Variants in LDLRAD4 observed in about 807,000 individuals in gnomAD.
The protein encoded by LDLRAD4 is low-density lipoprotein receptor class A domain-containing protein 4.
LDLRAD4 carries 5 observed loss-of-function variants against 17.0 expected under a neutral mutation model. That is an observed-to-expected ratio of 0.29 (90% CI 0.15 to 0.62). The LOEUF is 0.62. Ranked by LOEUF, LDLRAD4 falls within the 20% of genes least tolerant of loss-of-function variation. The pLI is 0.84. For synonymous variants in LDLRAD4, 168 were observed against 171.8 expected (o/e 0.98, Z 0.17); for missense variants, 340 against 424.7 (o/e 0.80, Z 1.75).
At chr18:13,279,989 G>A (rs1285672646) in intron 1 of LDLRAD4, 1 of 152,272 alleles carries the variant, frequency 6.6e-6, no homozygotes, top group African/African-American at 2.4e-5. Context: ...TGATAAAATG[G>A]ACAGGTGGTA....
At chr18:13,381,447 A>C (rs1256555319) in intron 1 of LDLRAD4, among the ~76,000 whole-genome samples, 1 of 151,866 alleles carries the variant, frequency 6.6e-6, no homozygotes, top group African/African-American at 2.4e-5. Context: ...AATGGGAGGG[A>C]CCTCCAGTTT....
intron 3 of LDLRAD4, among the ~76,000 whole-genome samples, chr18:13,564,463 C>A (rs1320659852): frequency 6.6e-6 from 1 of 151,938 alleles, no homozygotes; most frequent in East Asian, 1.9e-4. Flanking sequence ...GCTTGTCTTT[C>A]CCCTCTGCTA....
intron 1 of LDLRAD4, among the ~76,000 whole-genome samples, chr18:13,256,854 G>T (rs1046439774): frequency 2.6e-5 from 4 of 152,244 alleles, no homozygotes; most frequent in African/African-American, 9.6e-5. Context: ...TGTGTGTGCC[G>T]GGGAAGGAAA....
At chr18:13,473,725 G>A (rs1049453108) in intron 3 of LDLRAD4, among the ~76,000 whole-genome samples, 39 of 143,904 alleles carry the variant, frequency 2.7e-4, no homozygotes, top group African/African-American at 9.5e-4. Context: ...TTATACAGGG[G>A]CGGGGCTTAT....
intron 1 of LDLRAD4, among the ~76,000 whole-genome samples, chr18:13,220,384 A>G (rs1458222045): frequency 6.6e-6 from 1 of 152,068 alleles, no homozygotes; most frequent in Non-Finnish European, 1.5e-5. Flanking sequence ...GTAGGTTTGT[A>G]TTTACATTGG....
chr18:13,346,448 G>T (rs1246852964), intron 1 of LDLRAD4, among the ~76,000 whole-genome samples: 27 of 152,136 alleles, frequency 1.8e-4, no homozygotes, highest in Non-Finnish European at 4.4e-5. Context: ...GAGACAGTTT[G>T]TTAAAATTTC....
At chr18:13,572,092 C>T (rs529924277) in intron 3 of LDLRAD4, among the ~76,000 whole-genome samples, 1 of 152,298 alleles carries the variant, frequency 6.6e-6, no homozygotes, top group Admixed American at 6.5e-5. Context: ...TGACATGTGA[C>T]AAAATCAATC....
chr18:13,352,335 A>T (rs1365783251), intron 1 of LDLRAD4, among the ~76,000 whole-genome samples: 1 of 152,156 alleles, frequency 6.6e-6, no homozygotes, highest in East Asian at 1.9e-4. Context: ...TCTCATTTTT[A>T]GTTCAAGTTT....
chr18:13,223,285 C>T (rs1186596727), intron 1 of LDLRAD4, among the ~76,000 whole-genome samples: 1 of 152,216 alleles, frequency 6.6e-6, no homozygotes, highest in South Asian at 2.1e-4. Flanking sequence ...CCTAGAGAGT[C>T]TCCTGAAAGT....
chr18:13,612,600 G>A, intron 3 of LDLRAD4: 3 of 1,566,552 alleles, frequency 1.9e-6, no homozygotes, highest in Non-Finnish European at 2.6e-6. Context: ...AGCTATAACT[G>A]CAGCTCTGAG....
At chr18:13,601,987 T>C (rs1022243822) in intron 3 of LDLRAD4, among the ~76,000 whole-genome samples, 1 of 152,238 alleles carries the variant, frequency 6.6e-6, no homozygotes, top group East Asian at 1.9e-4. Flanking sequence ...TGAAAAAGAA[T>C]GAAATCATGT....
chr18:13,224,474 C>CTTTTTTTTTTTTTTT (rs10676168), intron 1 of LDLRAD4, among the ~76,000 whole-genome samples: 8 of 87,880 alleles, frequency 9.1e-5, no homozygotes, highest in Admixed American at 1.6e-4. Context: ...TTCTTTCTTT[C>CTTTTTTTTTTTTTTT]TTTTTTTTTT....
intron 1 of LDLRAD4, among the ~76,000 whole-genome samples, chr18:13,219,688 G>A (rs926733233): frequency 6.6e-6 from 1 of 152,192 alleles, no homozygotes; most frequent in Admixed American, 6.5e-5. Flanking sequence ...GGAGGTTGGT[G>A]CCTTCTCGAA....
intron 3 of LDLRAD4, among the ~76,000 whole-genome samples, chr18:13,456,382 G>A (rs1568183681): frequency 6.6e-6 from 1 of 152,176 alleles, no homozygotes; most frequent in Non-Finnish European, 1.5e-5. Flanking sequence ...TGTGCACCTT[G>A]CCAGGGTTTC....
intron 3 of LDLRAD4, among the ~76,000 whole-genome samples, chr18:13,547,374 T>C (rs1445455637): frequency 6.6e-6 from 1 of 152,238 alleles, no homozygotes; most frequent in South Asian, 2.1e-4. Context: ...TCTAACTTTG[T>C]GCGTCTGCTG....
chr18:13,262,375 C>T (rs71353257), intron 1 of LDLRAD4, among the ~76,000 whole-genome samples: 23 of 109,450 alleles, frequency 2.1e-4, no homozygotes, highest in Admixed American at 6.5e-4. Context: ...CGGCCCTGTG[C>T]GTGGAAACTG....
At chr18:13,467,331 AGT>A (rs2092651157) in intron 3 of LDLRAD4, among the ~76,000 whole-genome samples, 1 of 152,244 alleles carries the variant, frequency 6.6e-6, no homozygotes, top group Non-Finnish European at 1.5e-5. Context: ...GCAAAAATCA[AGT>A]GTGTTTCTAT....
intron 4 of LDLRAD4, among the ~76,000 whole-genome samples, chr18:13,633,487 A>G: frequency 6.6e-6 from 1 of 152,160 alleles, no homozygotes; most frequent in South Asian, 2.1e-4. Flanking sequence ...CTGCAGGCCC[A>G]CACCAACCCA....
chr18:13,321,184 G>A (rs1473477464), intron 1 of LDLRAD4, among the ~76,000 whole-genome samples: 2 of 152,094 alleles, frequency 1.3e-5, no homozygotes, highest in Admixed American at 6.6e-5. Context: ...GCTGCCTGCT[G>A]CAGACAGGCC....
Sources: allele counts gnomAD v4.1 joint callset (sites outside exome capture counted in the v4.1 genomes callset), GRCh38; gene constraint gnomAD v4.1.1; transcripts MANE v1.5; gene names NCBI Gene and HGNC (gene_info 2026-07-23, HGNC 2026-07-21).